The following STK32B variants were observed in gnomAD, a reference collection of about 807,000 sequenced individuals.
STK32B encodes serine/threonine-protein kinase 32B.
A neutral mutation model predicts 52.6 loss-of-function variants in STK32B; 43 were observed. That is an observed-to-expected ratio of 0.82 (90% confidence interval 0.64 to 1.05). The LOEUF is 1.05. Ranked by LOEUF, STK32B falls within the 50% of genes least tolerant of loss-of-function variation. The probability of loss-of-function intolerance (pLI) is 0.00; values close to 1 mark genes in which losing one functional copy is unlikely to be tolerated. For synonymous variants in STK32B, 238 were observed against 204.3 expected (o/e 1.17, Z -1.41); for missense variants, 621 against 534.6 (o/e 1.16, Z -1.59).
At chr4:5,229,207 G>C (rs7695843) in intron 3 of STK32B, among the ~76,000 whole-genome samples, 11,136 of 143,036 alleles carry the variant, frequency 0.078, 1,043 homozygotes, top group African/African-American at 0.23. Context: ...ATAAAATGAG[G>C]TACGTCTATA....
intron 3 of STK32B, among the ~76,000 whole-genome samples, chr4:5,311,934 CTTATTT>C (rs1560305995): frequency 6.8e-6 from 1 of 146,724 alleles, no homozygotes; most frequent in East Asian, 1.9e-4. Context: ...AAAGTTTATT[CTTATTT>C]TTATGAAAGT....
At chr4:5,189,257 T>C (rs1382089965) in intron 3 of STK32B, among the ~76,000 whole-genome samples, 1 of 152,208 alleles carries the variant, frequency 6.6e-6, no homozygotes, top group Non-Finnish European at 1.5e-5. Context: ...TTCACCACTG[T>C]AGTGACATAC....
At chr4:5,039,911 T>C in the STK32B span, among the ~76,000 whole-genome samples, 1 of 152,176 alleles carries the variant, frequency 6.6e-6, no homozygotes, top group Non-Finnish European at 1.5e-5. Flanking sequence ...GTGTCTATCC[T>C]CTCTTAACAG....
At chr4:5,341,648 T>C (rs572910977) in intron 4 of STK32B, among the ~76,000 whole-genome samples, 1 of 152,320 alleles carries the variant, frequency 6.6e-6, no homozygotes, top group East Asian at 1.9e-4. Context: ...GACTGAGTAA[T>C]TTATAAAGAA....
intron 3 of STK32B, among the ~76,000 whole-genome samples, chr4:5,231,925 GAGGA>G (rs1724300710): frequency 6.6e-6 from 1 of 152,208 alleles, no homozygotes; most frequent in Non-Finnish European, 1.5e-5. Context: ...TCGAGAAAGA[GAGGA>G]CAAAGATACA....
chr4:5,053,704 C>T (rs538214505), intron 1 of STK32B, among the ~76,000 whole-genome samples: 5 of 152,064 alleles, frequency 3.3e-5, no homozygotes, highest in Non-Finnish European at 5.9e-5. Context: ...GTTATGAGGC[C>T]GGGCGCGGTG....
intron 1 of STK32B, among the ~76,000 whole-genome samples, chr4:5,072,119 G>A (rs186471435): frequency 1.3e-5 from 2 of 152,260 alleles, no homozygotes; most frequent in East Asian, 3.9e-4. Context: ...TAGGGCAGAG[G>A]TTTTCAAATA....
chr4:5,164,205 G>T (rs1336647708), intron 2 of STK32B, among the ~76,000 whole-genome samples: 1 of 152,186 alleles, frequency 6.6e-6, no homozygotes, highest in African/African-American at 2.4e-5. Flanking sequence ...GCTGTGGGCA[G>T]GGTAGATTCC....
Position 5,431,345 on chromosome 4 carries a change from T to G in STK32B, c.562+14411T>G, listed in dbSNP as rs565583533. On this transcript the variant is annotated intron_variant, in intron 6 of 11. Transcript: ENST00000282908. Reference sequence around the variant, plus strand: ...TAATTGCCTTGGATAAATAGAGAATTTGGAATCCTTTAAGAGAGTGGTACT... The same window carrying G: ...TAATTGCCTTGGATAAATAGAGAATGTGGAATCCTTTAAGAGAGTGGTACT... Among the ~76,000 whole-genome samples, 10 of 152,300 alleles carry G rather than the reference T, an allele frequency of 6.6e-5. No individual in the cohort carries two copies. The South Asian group carries it at 2.1e-3, about 32-fold the overall frequency.
chr4:5,114,520 A>G (rs12509816), intron 1 of STK32B, among the ~76,000 whole-genome samples: 40,771 of 151,896 alleles, frequency 0.27, 6,035 homozygotes, highest in East Asian at 0.6. Flanking sequence ...TGACAGTGAC[A>G]AAGAATGAGC....
At chr4:5,050,286 C>T (rs1326637787), upstream of STK32B, among the ~76,000 whole-genome samples, 1 of 152,178 alleles carries the variant, frequency 6.6e-6, no homozygotes, top group Non-Finnish European at 1.5e-5. Context: ...TATCAATCAG[C>T]CCACTTTGCA....
chr4:5,259,798 A>G (rs2108843063), intron 3 of STK32B, among the ~76,000 whole-genome samples: 1 of 152,278 alleles, frequency 6.6e-6, no homozygotes, highest in African/African-American at 2.4e-5. Flanking sequence ...GCACCAGACT[A>G]TTTTAATGCA....
At chr4:5,057,150 T>C (rs902242561) in intron 1 of STK32B, among the ~76,000 whole-genome samples, 1 of 152,202 alleles carries the variant, frequency 6.6e-6, no homozygotes, top group Admixed American at 6.5e-5. Flanking sequence ...CAATCACTTA[T>C]TGGGGGCCAA....
rs951066281 is a variant in STK32B, at chr4:5,378,386, T to G, written c.435-19821T>G. The stretch of plus-strand genomic sequence containing the variant: ...AGCTCCTAGAGATTCTGAAGCCCTG[T>G]GCCTGGGTCGTAGCCCTGGACTTTG... On this transcript the variant is annotated intron_variant, in intron 4 of 11. Transcript: ENST00000282908. This position sits in a 1 kb window ranked among gnomAD's most constrained non-coding sequence, Gnocchi z 4.4. Among the ~76,000 whole-genome samples, 1 of 152,250 alleles carries G rather than the reference T, an allele frequency of 6.6e-6. No individual in the cohort carries two copies. Among genetic ancestry groups the G allele is most frequent in the African/African-American group, 2.4e-5 (1 of 41,470 alleles).
At chr4:5,257,912 C>T (rs1726437495) in intron 3 of STK32B, among the ~76,000 whole-genome samples, 1 of 151,938 alleles carries the variant, frequency 6.6e-6, no homozygotes, top group African/African-American at 2.4e-5. Context: ...CACTGCACTC[C>T]AGCCTGAGAG....
At position 5,159,643 on chromosome 4, in the gene STK32B, ATG is replaced by A. The variant is rs1297314903; in HGVS notation, c.109-8654_109-8653del. Among the ~76,000 whole-genome samples, 63 of 88,518 alleles carry A rather than the reference ATG, an allele frequency of 7.1e-4. 3 individuals carry two copies. The highest frequency in any genetic ancestry group is 2.6e-3 in the African/African-American group (37 of 14,436). The allele number at this position is 88,518 out of a possible 152,430, so 58.1% of individuals were successfully genotyped here. A position where few individuals can be genotyped will look rare whatever the true frequency, so the allele number is the denominator to read the frequency against. ...TGAATATATATGAATATATATATGA[ATG>A]TATATGAATATATATATGAATGTAT... On this transcript the variant is annotated intron_variant, in intron 2 of 11. Coordinates refer to ENST00000282908, the MANE Select transcript of STK32B (RefSeq NM_018401.3).
At chr4:5,047,783 A>G (rs1741647135), upstream of STK32B, among the ~76,000 whole-genome samples, 1 of 152,228 alleles carries the variant, frequency 6.6e-6, no homozygotes, top group Non-Finnish European at 1.5e-5. Context: ...GGGGTTGAAC[A>G]GTGGCCCCCA....
intron 3 of STK32B, among the ~76,000 whole-genome samples, chr4:5,270,830 A>T (rs79653401): frequency 0.093 from 14,152 of 152,258 alleles, 1,793 homozygotes; most frequent in African/African-American, 0.29. Context: ...AAGATAGTAA[A>T]ACTAATAAGT....
At chr4:5,262,720 G>A (rs985294560) in intron 3 of STK32B, among the ~76,000 whole-genome samples, 3 of 151,804 alleles carry the variant, frequency 2.0e-5, no homozygotes, top group Non-Finnish European at 2.9e-5. Context: ...TATTAAAACA[G>A]CATGTAAATG....
Sources: allele counts gnomAD v4.1 joint callset (sites outside exome capture counted in the v4.1 genomes callset), GRCh38; gene constraint gnomAD v4.1.1; non-coding constraint Gnocchi (gnomAD v3.1); transcripts MANE v1.5; gene names NCBI Gene and HGNC (gene_info 2026-07-23, HGNC 2026-07-21).